Variants in PCNX1 observed in about 807,000 individuals in gnomAD.
The protein encoded by PCNX1 is pecanex-like protein 1.
In PCNX1, 78 loss-of-function variants were observed where a neutral mutation model predicts 242.2. That is an observed-to-expected ratio of 0.32 (90% CI 0.27 to 0.39). PCNX1 has a LOEUF of 0.39. Among genes scored for constraint, PCNX1 ranks in the 10% least tolerant of loss-of-function variants. PCNX1 has a pLI of 1.00. For synonymous variants in PCNX1, 1,024 were observed against 1,032.9 expected (o/e 0.99, Z 0.17); for missense variants, 2,581 against 2,856.5 (o/e 0.90, Z 2.20).
At chr14:70,972,935 A>G (rs2058584292) in intron 5 of PCNX1, among the ~76,000 whole-genome samples, 2 of 152,154 alleles carry the variant, frequency 1.3e-5, no homozygotes, top group Non-Finnish European at 2.9e-5. Flanking sequence ...TAAGATTTAC[A>G]AAGAGGGAGT....
intron 8 of PCNX1, among the ~76,000 whole-genome samples, chr14:71,004,570 C>G (rs2059600823): frequency 6.6e-6 from 1 of 152,202 alleles, no homozygotes. Flanking sequence ...TCCCCTGGAT[C>G]CATAGGAAAG....
intron 33 of PCNX1, among the ~76,000 whole-genome samples, chr14:71,108,076 C>G (rs2062673018): frequency 6.6e-6 from 1 of 152,166 alleles, no homozygotes; most frequent in Non-Finnish European, 1.5e-5. Context: ...CAGTGGAACT[C>G]TGTACCCTTT....
chr14:70,907,597 G>A lies in PCNX1; in HGVS notation c.-254G>A, dbSNP rs1432613836. On this transcript the variant is annotated 5_prime_UTR_variant, in exon 1 of 36. Coordinates refer to ENST00000304743, the MANE Select transcript of PCNX1 (RefSeq NM_014982.3). ...GACAAGATGGCGGCGGCTCTCAGAAGGCCGGTCTCCTCCTCTCCGCCGTCC... is the reference window on the plus strand; with the variant it reads ...GACAAGATGGCGGCGGCTCTCAGAAAGCCGGTCTCCTCCTCTCCGCCGTCC... The A allele has an allele frequency of 8.5e-6, 2 of 236,362 alleles. No homozygotes were observed. The highest frequency in any genetic ancestry group is 7.8e-6 in the Non-Finnish European group (1 of 127,624). The allele number at this position is 236,362 out of a possible 1,614,324, so 14.6% of individuals were successfully genotyped here. A position where few individuals can be genotyped will look rare whatever the true frequency, so the allele number is the denominator to read the frequency against.
At chr14:70,933,904 G>A (rs956187804) in intron 1 of PCNX1, among the ~76,000 whole-genome samples, 8 of 152,140 alleles carry the variant, frequency 5.3e-5, no homozygotes, top group Non-Finnish European at 4.4e-5. Flanking sequence ...CCATTCTGTT[G>A]GAGAACAGCT....
rs139670086 is a variant in PCNX1, at chr14:71,040,635, C to G, written c.3867+4478C>G. On this transcript the variant is annotated intron_variant, in intron 19 of 35. Coordinates refer to ENST00000304743, the MANE Select transcript of PCNX1 (RefSeq NM_014982.3). ...CATGGTAAATGGGGTGTAATAATTA[C>G]ATGGTAAATGGGGTATTCATCCCCT... is the stretch of plus-strand genomic sequence containing the variant. 5.3e-5 allele frequency among the ~76,000 whole-genome samples: 8 copies of G among 152,134 alleles called. No homozygotes were observed. In the East Asian group the frequency reaches 1.5e-3, roughly 29 times the overall value.
At chr14:71,010,385 C>T (rs1315581454) in intron 9 of PCNX1, among the ~76,000 whole-genome samples, 2 of 151,834 alleles carry the variant, frequency 1.3e-5, no homozygotes, top group South Asian at 2.1e-4. Flanking sequence ...AATTTTATTT[C>T]CTTCTAAGTG....
chr14:71,051,834 G>T (rs755382686), intron 23 of PCNX1, 49 bp from the exon 24 acceptor site: 16 of 1,575,142 alleles, frequency 1.0e-5, no homozygotes, highest in Non-Finnish European at 1.4e-5. Context: ...GGTTTGTTTG[G>T]CATCTGTGCT....
chr14:71,033,578 A>G, intron 17 of PCNX1, 40 bp downstream of exon 17: 1 of 1,121,438 alleles, frequency 8.9e-7, no homozygotes, highest in Non-Finnish European at 1.3e-6. Flanking sequence ...AAGAAATTTA[A>G]GTAAGTTGGT....
At chr14:70,962,798 A>G (rs1295845971) in intron 3 of PCNX1, among the ~76,000 whole-genome samples, 1 of 152,250 alleles carries the variant, frequency 6.6e-6, no homozygotes, top group Non-Finnish European at 1.5e-5. Flanking sequence ...AACTTTTAAA[A>G]TGGTAACTCT....
intron 1 of PCNX1, among the ~76,000 whole-genome samples, chr14:70,928,791 T>G (rs2140142670): frequency 6.6e-6 from 1 of 152,356 alleles, no homozygotes; most frequent in South Asian, 2.1e-4. Context: ...GAGACAAATC[T>G]GTACCAGACT....
intron 1 of PCNX1, among the ~76,000 whole-genome samples, chr14:70,945,856 T>G (rs968512515): frequency 6.6e-6 from 1 of 152,116 alleles, no homozygotes; most frequent in African/African-American, 2.4e-5. Flanking sequence ...TTAAAGCCAA[T>G]TTGGGGTCAT....
At chr14:70,912,071 T>TA (rs1386176666) in intron 1 of PCNX1, among the ~76,000 whole-genome samples, 5 of 151,660 alleles carry the variant, frequency 3.3e-5, no homozygotes, top group Admixed American at 6.6e-5. Context: ...CCGTCTCTAC[T>TA]AAAAAAACAA....
At chr14:71,022,154 A>G (rs544260365) in intron 12 of PCNX1, among the ~76,000 whole-genome samples, 14 of 152,250 alleles carry the variant, frequency 9.2e-5, no homozygotes, top group African/African-American at 2.4e-4. Context: ...TTGATCACTA[A>G]TAACAAGTAA....
intron 32 of PCNX1, 79 bp downstream of exon 32, chr14:71,103,748 G>T (rs1274232054): frequency 1.4e-6 from 2 of 1,399,740 alleles, no homozygotes; most frequent in Non-Finnish European, 2.0e-6. Context: ...CACCTGGGAA[G>T]CTTGTAGAAA....
chr14:71,019,768 T>G (rs2060050595), intron 12 of PCNX1, among the ~76,000 whole-genome samples: 1 of 152,140 alleles, frequency 6.6e-6, no homozygotes, highest in South Asian at 2.1e-4. Context: ...GTAGTTTTTT[T>G]TATTATTATA....
chr14:70,981,839 T>C (rs1258364845), intron 6 of PCNX1, among the ~76,000 whole-genome samples: 6 of 152,322 alleles, frequency 3.9e-5, no homozygotes, highest in South Asian at 2.1e-4. Flanking sequence ...ACTGTTGTTA[T>C]AGCATATTTT....
intron 20 of PCNX1, 85 bp from the exon 21 acceptor site, chr14:71,046,879 A>G: frequency 9.5e-7 from 1 of 1,047,788 alleles, no homozygotes; most frequent in South Asian, 2.1e-5. Context: ...TTGGTACTAA[A>G]TTTGTTGTAA....
Position 71,057,592 on chromosome 14 carries a change from C to G in PCNX1, c.4720C>G (p.Leu1574Val). 1 of 1,613,630 alleles carries G rather than the reference C, an allele frequency of 6.2e-7. No individual in the cohort carries two copies. The highest frequency in any genetic ancestry group is 8.5e-7 in the Non-Finnish European group (1 of 1,179,574). The change falls in exon 26 of 36, where the codon CTA (leucine) becomes GTA (valine). Residue 1574 changes from leucine to valine, a missense_variant. Physicochemically the swap from Leu to Val is conservative, Grantham distance 32. Coordinates refer to ENST00000304743, the MANE Select transcript of PCNX1 (RefSeq NM_014982.3). ...GCACAGCCTCTGTGGTGATTTGCTA[C>G]TAGGACGGTGGGGAAACTACAGTAC... ...LQHSLCGDLL[L>V]GRWGNYSTGD...
At chr14:70,936,597 T>G (rs1806098691) in intron 1 of PCNX1, among the ~76,000 whole-genome samples, 1 of 152,172 alleles carries the variant, frequency 6.6e-6, no homozygotes, top group Admixed American at 6.5e-5. Context: ...ACATACGTGT[T>G]GCATGTGTCT....
Sources: allele counts gnomAD v4.1 joint callset (sites outside exome capture counted in the v4.1 genomes callset), GRCh38; gene constraint gnomAD v4.1.1; transcripts MANE v1.5; gene names NCBI Gene and HGNC (gene_info 2026-07-23, HGNC 2026-07-21).